LINGO2: variants seen among roughly 807,000 people sequenced by gnomAD.
LINGO2 encodes leucine rich repeat and Ig domain containing 2.
In LINGO2, 14 loss-of-function variants were observed where a neutral mutation model predicts 30.6. The ratio of observed to expected loss-of-function variants is 0.46; its 90% CI spans 0.30 to 0.72. The LOEUF is 0.72. Among genes scored for constraint, LINGO2 ranks in the 30% least tolerant of loss-of-function variants. LINGO2 has a pLI of 0.07. For synonymous variants in LINGO2, 317 were observed against 288.5 expected, an observed-to-expected ratio of 1.10 and a Z score of -1.00; for missense variants, 729 against 751.7, an observed-to-expected ratio of 0.97 and a Z score of 0.35.
the LINGO2 span, among the ~76,000 whole-genome samples, chr9:28,819,767 T>A: frequency 6.6e-6 from 1 of 152,170 alleles, no homozygotes. Context: ...GACCATTAAG[T>A]CAGTGTCCAA....
At chr9:28,801,185 G>C in the LINGO2 span, among the ~76,000 whole-genome samples, 3 of 152,148 alleles carry the variant, frequency 2.0e-5, no homozygotes, top group Admixed American at 2.0e-4. Context: ...ATAGTAATTA[G>C]AGCTCTTGCC....
chr9:28,248,923 T>C (rs1822099287), intron 4 of LINGO2, among the ~76,000 whole-genome samples: 1 of 152,096 alleles, frequency 6.6e-6, no homozygotes, highest in African/African-American at 2.4e-5. Flanking sequence ...GAGAGAGTTA[T>C]TATTAATCTA....
chr9:28,356,823 A>G (rs1820227763), intron 3 of LINGO2, among the ~76,000 whole-genome samples: 1 of 151,734 alleles, frequency 6.6e-6, no homozygotes, highest in Non-Finnish European at 1.5e-5. Flanking sequence ...AGCTCTTACT[A>G]TTGGATCCTA....
At chr9:28,934,242 G>T in the LINGO2 span, among the ~76,000 whole-genome samples, 1 of 152,128 alleles carries the variant, frequency 6.6e-6, no homozygotes, top group Non-Finnish European at 1.5e-5. Context: ...GATCAACATG[G>T]CTATCTTTCA....
chr9:28,122,256 G>C (rs551602983), intron 4 of LINGO2, among the ~76,000 whole-genome samples: 1 of 152,224 alleles, frequency 6.6e-6, no homozygotes, highest in East Asian at 1.9e-4. Context: ...AGGAAAGATA[G>C]ACTCAAGCTA....
chr9:28,123,149 G>A (rs117678969), intron 4 of LINGO2, among the ~76,000 whole-genome samples: 275 of 152,312 alleles, frequency 1.8e-3, no homozygotes, highest in Middle Eastern at 3.4e-3. Flanking sequence ...GAATAACGGT[G>A]AATGGAGAAA....
chr9:28,956,548 G>C, the LINGO2 span, among the ~76,000 whole-genome samples: 1 of 150,888 alleles, frequency 6.6e-6, no homozygotes, highest in African/African-American at 2.4e-5. Context: ...AATCAAGTTT[G>C]ACAAATATTT....
intron 4 of LINGO2, among the ~76,000 whole-genome samples, chr9:28,172,399 A>G (rs985307041): frequency 6.6e-6 from 1 of 152,104 alleles, no homozygotes; most frequent in Non-Finnish European, 1.5e-5. Flanking sequence ...TCAAAAAAAA[A>G]AAAAAGAATT....
At chr9:29,143,183 A>C in the LINGO2 span, among the ~76,000 whole-genome samples, 1 of 152,098 alleles carries the variant, frequency 6.6e-6, no homozygotes, top group Non-Finnish European at 1.5e-5. Flanking sequence ...GGTGTGCCAC[A>C]AATATCACAT....
intron 4 of LINGO2, among the ~76,000 whole-genome samples, chr9:28,117,982 AT>A (rs2133384615): frequency 6.6e-6 from 1 of 152,208 alleles, no homozygotes; most frequent in South Asian, 2.1e-4. Flanking sequence ...TAATTCAACC[AT>A]TGTGGAAAAC....
chr9:28,460,406 G>T lies in LINGO2; in HGVS notation c.-279+15534C>A, dbSNP rs112300980. ...ATCTGAGAACTATTAGCAAAACGTAGCTTATGTCTAATTTAAACATATTTC... is the reference window on the plus strand; with the variant it reads ...ATCTGAGAACTATTAGCAAAACGTATCTTATGTCTAATTTAAACATATTTC... On this transcript the variant is annotated intron_variant, in intron 2 of 5. Coordinates refer to ENST00000379992, the Ensembl canonical transcript of LINGO2. 1.3e-3 allele frequency among the ~76,000 whole-genome samples: 200 copies of T among 152,188 alleles called. 1 individual carries two copies. The highest frequency in any genetic ancestry group is 4.5e-3 in the African/African-American group (189 of 41,540).
the LINGO2 span, among the ~76,000 whole-genome samples, chr9:28,769,193 CTTAT>C: frequency 6.6e-6 from 1 of 151,188 alleles, no homozygotes; most frequent in Non-Finnish European, 1.5e-5. Context: ...CCCTGTAACC[CTTAT>C]TTAATCTTAA....
chr9:28,349,401 G>A (rs12555463), intron 3 of LINGO2, among the ~76,000 whole-genome samples: 1,570 of 125,684 alleles, frequency 0.012, 4 homozygotes, highest in Non-Finnish European at 0.02. Context: ...GGGTATCAGC[G>A]ATGGAAGATG....
intron 1 of LINGO2, among the ~76,000 whole-genome samples, chr9:28,560,283 A>G (rs1822978733): frequency 6.6e-6 from 1 of 152,048 alleles, no homozygotes; most frequent in Admixed American, 6.6e-5. Context: ...AAATCAGCAG[A>G]TTTGGGTAAA....
chr9:28,423,309 C>G (rs1240510532), intron 2 of LINGO2, among the ~76,000 whole-genome samples: 1 of 151,752 alleles, frequency 6.6e-6, no homozygotes, highest in African/African-American at 2.4e-5. Flanking sequence ...CCCATCTTTG[C>G]CAAATAATCC....
chr9:29,165,139 G>C, the LINGO2 span, among the ~76,000 whole-genome samples: 1 of 151,970 alleles, frequency 6.6e-6, no homozygotes, highest in Admixed American at 6.6e-5. Flanking sequence ...TATTTCCCTT[G>C]TACTAATATT....
intron 1 of LINGO2, among the ~76,000 whole-genome samples, chr9:28,621,741 T>C (rs1287844433): frequency 6.6e-6 from 1 of 152,050 alleles, no homozygotes; most frequent in Non-Finnish European, 1.5e-5. Context: ...AAAGCAAATA[T>C]TGCAATAAAG....
intron 3 of LINGO2, among the ~76,000 whole-genome samples, chr9:28,328,339 T>C (rs1825302711): frequency 6.6e-6 from 1 of 152,106 alleles, no homozygotes; most frequent in Non-Finnish European, 1.5e-5. Flanking sequence ...GAAAGTCCAA[T>C]GTGTTGTGAT....
intron 1 of LINGO2, among the ~76,000 whole-genome samples, chr9:28,611,847 G>A (rs1353139622): frequency 1.3e-5 from 2 of 151,408 alleles, no homozygotes; most frequent in African/African-American, 2.4e-5. Context: ...TTGAGACAGA[G>A]TCACGCTCTG....
Sources: allele counts gnomAD v4.1 joint callset (sites outside exome capture counted in the v4.1 genomes callset), GRCh38; gene constraint gnomAD v4.1.1; transcripts MANE v1.5; gene names NCBI Gene and HGNC (gene_info 2026-07-23, HGNC 2026-07-21).